RGS12: variants seen among roughly 807,000 people sequenced by gnomAD.
RGS12 encodes the protein regulator of G-protein signaling 12.
RGS12 carries 66 observed loss-of-function variants against 120.1 expected under a neutral mutation model. The observed-to-expected ratio is 0.55, with a 90% CI of 0.45 to 0.67. The LOEUF (loss-of-function observed/expected upper bound fraction) is 0.67, where lower values mean the gene tolerates loss of function less well. Ranked by LOEUF, RGS12 falls within the 30% of genes least tolerant of loss-of-function variation. The pLI is 0.00. For missense variants in RGS12, 1,859 were observed against 1,957.7 expected, an observed-to-expected ratio of 0.95 and a Z score of 0.95; for synonymous variants, 827 against 804.7, an observed-to-expected ratio of 1.03 and a Z score of -0.47.
chr4:3,318,137 C>T, intron 2 of RGS12, 86 bp downstream of exon 2: 3 of 1,263,476 alleles, frequency 2.4e-6, no homozygotes, highest in South Asian at 1.4e-5. Context: ...CACCAGCTTG[C>T]ACAGTCCTGG....
intron 1 of RGS12, among the ~76,000 whole-genome samples, chr4:3,311,340 G>A (rs1724390329): frequency 6.6e-6 from 1 of 152,226 alleles, no homozygotes; most frequent in South Asian, 2.1e-4. Context: ...GGCATGAGTG[G>A]AGGAGTTTAT....
At chr4:3,296,719 C>T (rs1388059987) in intron 1 of RGS12, among the ~76,000 whole-genome samples, 6 of 152,222 alleles carry the variant, frequency 3.9e-5, no homozygotes, top group Non-Finnish European at 8.8e-5. Flanking sequence ...CATGCCTCTT[C>T]TCTGGGATGG....
At position 3,423,506 on chromosome 4, in the gene RGS12, C is replaced by T. The variant is rs762727872; in HGVS notation, c.3108-9C>T. Reference sequence around the variant, plus strand: ...TGAGTTGGTAGTGAATTTTTTCATCCCCCACCAGGCTGGATCTTGTTCCGA... The same window carrying T: ...TGAGTTGGTAGTGAATTTTTTCATCTCCCACCAGGCTGGATCTTGTTCCGA... On this transcript the variant is annotated splice_polypyrimidine_tract_variant and intron_variant, in intron 12 of 17. Transcript: ENST00000336727. The T allele has an allele frequency of 6.2e-7, 1 of 1,612,782 alleles. No individual in the cohort carries two copies. The highest frequency in any genetic ancestry group is 8.5e-7 in the Non-Finnish European group (1 of 1,179,574).
At chr4:3,373,057 G>A (rs555283738) in intron 3 of RGS12, among the ~76,000 whole-genome samples, 3 of 152,190 alleles carry the variant, frequency 2.0e-5, no homozygotes, top group Non-Finnish European at 4.4e-5. Context: ...ACCTGGCAGC[G>A]AGGCTCGAGG....
At chr4:3,378,123 A>G (rs1412270264) in intron 3 of RGS12, 1 of 152,208 alleles carries the variant, frequency 6.6e-6, no homozygotes, top group African/African-American at 2.4e-5. Context: ...TGTATATGAG[A>G]GTACACATTA....
In RGS12 at chr4:3,433,136, A is replaced by T. The variant is rs1052605581; in HGVS notation, c.4114+2181A>T. Among the ~76,000 whole-genome samples the T allele has an allele frequency of 1.2e-4, 18 of 152,188 alleles. No homozygotes were observed. The highest frequency in any genetic ancestry group is 2.1e-4 in the Non-Finnish European group (14 of 68,018). On this transcript the variant is annotated intron_variant, in intron 17 of 17. Transcript: ENST00000336727. This position sits in a 1 kb window ranked among gnomAD's most constrained non-coding sequence, Gnocchi z 4.4. Reference sequence around the variant, plus strand: ...CATCTGTGGGCCGGGGCGAGCCTGGACTGAGTGCTGACCTGTCCGTTTTCA... The same window carrying T: ...CATCTGTGGGCCGGGGCGAGCCTGGTCTGAGTGCTGACCTGTCCGTTTTCA...
chr4:3,301,665 G>A (rs1240940599), intron 1 of RGS12, among the ~76,000 whole-genome samples: 1 of 144,644 alleles, frequency 6.9e-6, no homozygotes, highest in Non-Finnish European at 1.5e-5. Flanking sequence ...CGAGGGCTGG[G>A]GATGGAGAGT....
intron 3 of RGS12, among the ~76,000 whole-genome samples, chr4:3,376,911 G>C (rs545761215): frequency 6.6e-6 from 1 of 152,268 alleles, no homozygotes; most frequent in East Asian, 1.9e-4. Context: ...CGTGGATGCT[G>C]TGCTCTTCTG....
At chr4:3,300,783 C>T (rs77929212) in intron 1 of RGS12, among the ~76,000 whole-genome samples, 3 of 152,252 alleles carry the variant, frequency 2.0e-5, no homozygotes, top group African/African-American at 7.2e-5. Context: ...TTTTGCCTCC[C>T]TCTTTTACGG....
Position 3,417,481 on chromosome 4 carries a change from T to C in RGS12, c.2701T>C (p.Ser901Pro). 1 of 1,613,314 alleles carries C rather than the reference T, an allele frequency of 6.2e-7. No individual in the cohort carries two copies. Among genetic ancestry groups the C allele is most frequent in the Non-Finnish European group, 8.5e-7 (1 of 1,179,860 alleles). ...KKRKGAFFSW[S>P]RTRSTGRSQK... ...GCGGAAAGGCGCGTTTTTCTCGTGG[T>C]CGCGGACCAGGAGCACCGGGAGGTC... is the stretch of plus-strand genomic sequence containing the variant. Residue 901 changes from serine (S) to proline (P), a missense_variant, in exon 9 of 18, where the codon TCG becomes CCG. Coordinates refer to ENST00000336727, the MANE Select transcript of RGS12 (RefSeq NM_001394154.1).
At chr4:3,323,057 C>T (rs1725303179) in intron 2 of RGS12, among the ~76,000 whole-genome samples, 1 of 152,172 alleles carries the variant, frequency 6.6e-6, no homozygotes, top group African/African-American at 2.4e-5. Context: ...AAATCGCGCT[C>T]ATAAAAAAGG....
chr4:3,413,932 T>C, intron 4 of RGS12, 140 bp from the exon 5 acceptor site: 1 of 784,178 alleles, frequency 1.3e-6, no homozygotes, highest in Non-Finnish European at 2.0e-6. Context: ...GTAGGTGTGC[T>C]GTGCATAGTT....
At position 3,316,071 on chromosome 4, in the gene RGS12, G is replaced by T; in HGVS notation, c.-100G>T. 8.2e-7 allele frequency: 1 copy of T among 1,226,154 alleles called. No homozygotes were observed. The highest frequency in any genetic ancestry group is 1.7e-5 in the South Asian group (1 of 60,306). The allele number at this position is 1,226,154 out of a possible 1,614,324, so 76.0% of individuals were successfully genotyped here. A position where few individuals can be genotyped will look rare whatever the true frequency, so the allele number is the denominator to read the frequency against. ...GAGCTGTTCGTTTTTCTTTCTTAGGGCACTGTTTGAAGAAGCAAACATGGT... is the reference window on the plus strand; with the variant it reads ...GAGCTGTTCGTTTTTCTTTCTTAGGTCACTGTTTGAAGAAGCAAACATGGT... On this transcript the variant is annotated splice_region_variant and 5_prime_UTR_variant, in exon 2 of 18. Transcript: ENST00000336727.
Position 3,316,474 on chromosome 4 carries a change from T to C in RGS12, c.304T>C (p.Phe102Leu), listed in dbSNP as rs751007677. ...GGTGATTGCTGAAGGCGTCGGCCGCTTCGAATCCTGTTCCAGTGATGAAGA... is the reference window on the plus strand; with the variant it reads ...GGTGATTGCTGAAGGCGTCGGCCGCCTCGAATCCTGTTCCAGTGATGAAGA... Reference protein sequence around the residue: ...HMVIAEGVGRFESCSSDEEGG... With the variant: ...HMVIAEGVGRLESCSSDEEGG... The change falls in exon 2 of 18, where the codon TTC becomes CTC. Residue 102 changes from phenylalanine (F) to leucine (L), a missense_variant. Phe to Leu is a conservative substitution (Grantham distance 22). This residue lies in a region of RGS12 where 967 missense variants were observed against 994.2 expected (regional missense o/e 0.97). Coordinates refer to ENST00000336727, the MANE Select transcript of RGS12 (RefSeq NM_001394154.1). 1 of 1,614,122 alleles carries C rather than the reference T, an allele frequency of 6.2e-7. No homozygotes were observed. Among genetic ancestry groups the C allele is most frequent in the East Asian group, 2.2e-5 (1 of 44,884 alleles).
At chr4:3,300,948 C>G (rs1396475678) in intron 1 of RGS12, among the ~76,000 whole-genome samples, 1 of 152,250 alleles carries the variant, frequency 6.6e-6, no homozygotes, top group African/African-American at 2.4e-5. Flanking sequence ...CCCCACTGCA[C>G]CTGCCTAGAC....
chr4:3,338,472 G>T (rs960901112), intron 2 of RGS12, among the ~76,000 whole-genome samples: 1 of 152,246 alleles, frequency 6.6e-6, no homozygotes. Context: ...GGAACCCGAT[G>T]CTTTTCTGGG....
At chr4:3,302,671 A>G (rs893563421) in intron 1 of RGS12, among the ~76,000 whole-genome samples, 1 of 152,200 alleles carries the variant, frequency 6.6e-6, no homozygotes, top group African/African-American at 2.4e-5. Context: ...GTCTCTGTGC[A>G]TGAGAAGGGA....
chr4:3,293,281 A>G (rs1723148777), intron 1 of RGS12, among the ~76,000 whole-genome samples, 182 bp downstream of exon 1: 2 of 142,370 alleles, frequency 1.4e-5, no homozygotes, highest in Admixed American at 1.4e-4. Flanking sequence ...GGCCTGACTC[A>G]GGCTCCTGGT....
At chr4:3,385,080 C>T (rs1718692090) in intron 3 of RGS12, 1 of 152,650 alleles carries the variant, frequency 6.6e-6, no homozygotes, top group Non-Finnish European at 1.5e-5. Context: ...TTGGTCCCCT[C>T]CCCCTTGGGA....
Sources: allele counts gnomAD v4.1 joint callset (sites outside exome capture counted in the v4.1 genomes callset), GRCh38; gene constraint gnomAD v4.1.1; regional missense constraint gnomAD v4.1.1; non-coding constraint Gnocchi (gnomAD v3.1); transcripts MANE v1.5; gene names NCBI Gene and HGNC (gene_info 2026-07-23, HGNC 2026-07-21).